The following HIKESHI variants were observed in gnomAD, a reference collection of about 807,000 sequenced individuals.
HIKESHI encodes heat shock protein nuclear import factor hikeshi, also known as protein Hikeshi.
HIKESHI carries 13 observed loss-of-function variants against 25.7 expected under a neutral mutation model. That is an observed-to-expected ratio of 0.51 (90% CI 0.33 to 0.80). The LOEUF (loss-of-function observed/expected upper bound fraction) is 0.80, where lower values mean the gene tolerates loss of function less well. HIKESHI is among the 30% of genes least tolerant of loss of function. HIKESHI has a pLI of 0.02. For synonymous variants in HIKESHI, 76 were observed against 78.7 expected, an observed-to-expected ratio of 0.97 and a Z score of 0.18; for missense variants, 174 against 229.5, an observed-to-expected ratio of 0.76 and a Z score of 1.56.
At chr11:86,333,283 C>T (rs1043469884) in intron 2 of HIKESHI, among the ~76,000 whole-genome samples, 3 of 152,054 alleles carry the variant, frequency 2.0e-5, no homozygotes, top group Admixed American at 1.3e-4. Flanking sequence ...TGTCTGTAAT[C>T]CCAGCACTTT....
At chr11:86,343,583 C>T (rs1947790739) in intron 3 of HIKESHI, 1 of 152,244 alleles carries the variant, frequency 6.6e-6, no homozygotes, top group Non-Finnish European at 1.5e-5. Context: ...TACAGTGAGC[C>T]ATGATTGTGC....
chr11:86,345,723 G>T lies in HIKESHI; in HGVS notation c.*85G>T, dbSNP rs1488767145. ...TCCATCTAAAAGTATGAGGTCAAAG[G>T]ATCACGAAACCTAAGTTTAAAAACT... On this transcript the variant is annotated 3_prime_UTR_variant, in exon 5 of 5. Transcript: ENST00000278483. 1 of 726,256 alleles carries T rather than the reference G, an allele frequency of 1.4e-6. No individual in the cohort carries two copies. The highest frequency in any genetic ancestry group is 2.9e-5 in the Admixed American group (1 of 34,116). 45.0% of individuals were successfully genotyped at this position (726,256 alleles called of 1,614,324 possible).
rs1026515417 is a variant in HIKESHI, at chr11:86,303,528, C to G, written c.30+1050C>G. 9 of 297,404 alleles carry G rather than the reference C, an allele frequency of 3.0e-5. No homozygotes were observed. The Admixed American group carries it at 5.8e-4, about 19-fold the overall frequency. 18.4% of individuals were successfully genotyped at this position (297,404 alleles called of 1,614,324 possible). A position where few individuals can be genotyped will look rare whatever the true frequency, so the allele number is the denominator to read the frequency against. ...ACCTGGAATGATTGTGTGACTCAGACGAGTGAGTGTTATTAATGAATGACA... is the reference window on the plus strand; with the variant it reads ...ACCTGGAATGATTGTGTGACTCAGAGGAGTGAGTGTTATTAATGAATGACA... On this transcript the variant is annotated intron_variant, in intron 1 of 4. Coordinates refer to ENST00000278483, the MANE Select transcript of HIKESHI (RefSeq NM_016401.4).
intron 2 of HIKESHI, among the ~76,000 whole-genome samples, chr11:86,329,717 A>G (rs1449545730): frequency 2.0e-5 from 3 of 152,072 alleles, no homozygotes; most frequent in Non-Finnish European, 4.4e-5. Flanking sequence ...GTTTGTATAA[A>G]TTGATGAATT....
Position 86,306,235 on chromosome 11 carries a change from T to C in HIKESHI, c.31-10T>C, listed in dbSNP as rs1264135511. 1 of 1,595,776 alleles carries C rather than the reference T, an allele frequency of 6.3e-7. No homozygotes were observed. The highest frequency in any genetic ancestry group is 8.6e-7 in the Non-Finnish European group (1 of 1,165,636). On this transcript the variant is annotated splice_polypyrimidine_tract_variant and intron_variant, in intron 1 of 4. Transcript: ENST00000278483. ...AACCATTGAACTGAGACAAGTTTCTTATTTTCTAGGTGCAAACAGCTGCAC... is the reference window on the plus strand; with the variant it reads ...AACCATTGAACTGAGACAAGTTTCTCATTTTCTAGGTGCAAACAGCTGCAC...
intron 2 of HIKESHI, among the ~76,000 whole-genome samples, chr11:86,307,677 A>ATC (rs550573810): frequency 0.019 from 739 of 38,028 alleles, 147 homozygotes; most frequent in African/African-American, 0.064. Context: ...TACATTATAT[A>ATC]AAATATATAT....
intron 2 of HIKESHI, among the ~76,000 whole-genome samples, chr11:86,328,942 A>C (rs1417029877): frequency 6.6e-6 from 1 of 151,502 alleles, no homozygotes; most frequent in Non-Finnish European, 1.5e-5. Context: ...GCACACACAC[A>C]CACACGCTCC....
At chr11:86,343,256 G>T (rs1947781854) in intron 3 of HIKESHI, among the ~76,000 whole-genome samples, 1 of 151,252 alleles carries the variant, frequency 6.6e-6, no homozygotes, top group Non-Finnish European at 1.5e-5. Context: ...TCCTTTTAAA[G>T]ATTTCAGTTA....
chr11:86,344,502 T>G, intron 3 of HIKESHI, 101 bp from the exon 4 acceptor site: 1 of 731,046 alleles, frequency 1.4e-6, no homozygotes, highest in Non-Finnish European at 2.2e-6. Flanking sequence ...GAACTGACAC[T>G]CCCTATAAAC....
chr11:86,329,268 A>G (rs1947362492), intron 2 of HIKESHI, among the ~76,000 whole-genome samples: 1 of 150,376 alleles, frequency 6.6e-6, no homozygotes, highest in Admixed American at 6.6e-5. Flanking sequence ...TTAAATTGGT[A>G]GTCTAGAATT....
intron 3 of HIKESHI, among the ~76,000 whole-genome samples, chr11:86,338,822 T>C (rs1947641503): frequency 6.6e-6 from 1 of 152,206 alleles, no homozygotes; most frequent in African/African-American, 2.4e-5. Flanking sequence ...GTGTAGACAA[T>C]ATTTTAAAAG....
At position 86,302,379 on chromosome 11, in the gene HIKESHI, A is replaced by G. The variant is rs1279251393; in HGVS notation, c.-70A>G. ...TTCTGGAAGGTTCTTAGTCTCGACT[A>G]GGGCAGTAGCCCCAGGACTCCTAGT... On this transcript the variant is annotated 5_prime_UTR_variant, in exon 1 of 5. Transcript: ENST00000278483. 6.5e-7 allele frequency: 1 copy of G among 1,539,728 alleles called. No homozygotes were observed. Among genetic ancestry groups the G allele is most frequent in the Non-Finnish European group, 8.8e-7 (1 of 1,137,644 alleles).
chr11:86,303,842 C>T (rs1946555794), intron 1 of HIKESHI, among the ~76,000 whole-genome samples: 1 of 151,970 alleles, frequency 6.6e-6, no homozygotes, highest in Non-Finnish European at 1.5e-5. Flanking sequence ...AGAGATACAC[C>T]TTTTCTTAAT....
intron 3 of HIKESHI, among the ~76,000 whole-genome samples, chr11:86,343,166 T>A (rs570080277): frequency 2.8e-4 from 43 of 152,338 alleles, no homozygotes; most frequent in African/African-American, 1.0e-3. Flanking sequence ...TTATAATATT[T>A]TCCACAAAAA....
chr11:86,343,413 T>C (rs1197145527), intron 3 of HIKESHI: 2 of 152,042 alleles, frequency 1.3e-5, no homozygotes, highest in African/African-American at 2.4e-5. Flanking sequence ...GGTGAGAGGA[T>C]TGCTTGAGCC....
chr11:86,341,877 T>G (rs1327769467), intron 3 of HIKESHI, among the ~76,000 whole-genome samples: 3 of 152,232 alleles, frequency 2.0e-5, no homozygotes, highest in Admixed American at 6.5e-5. Context: ...ATAAATAGTA[T>G]TATTCTGTAT....
Position 86,302,308 on chromosome 11 carries a change from C to A in HIKESHI, c.-141C>A. The A allele has an allele frequency of 1.0e-6, 1 of 992,524 alleles. No homozygotes were observed. The highest frequency in any genetic ancestry group is 1.5e-6 in the Non-Finnish European group (1 of 653,696). The allele number at this position is 992,524 out of a possible 1,614,324, so 61.5% of individuals were successfully genotyped here. On this transcript the variant is annotated 5_prime_UTR_variant, in exon 1 of 5. It adds an upstream start codon to the 5' untranslated region. Coordinates refer to ENST00000278483, the MANE Select transcript of HIKESHI (RefSeq NM_016401.4). ...CGCGGGGGCAGAGGCATTCTTGCCG[C>A]TGGCCCAGTCACTATGTAGTGGAGG...
chr11:86,318,279 G>A (rs1303851183), intron 2 of HIKESHI, among the ~76,000 whole-genome samples: 3 of 66,298 alleles, frequency 4.5e-5, no homozygotes, highest in African/African-American at 1.7e-4. Context: ...ACTCCATCCT[G>A]GGCGACAGAG....
chr11:86,309,044 C>T (rs1039002598), intron 2 of HIKESHI, among the ~76,000 whole-genome samples: 10 of 152,096 alleles, frequency 6.6e-5, no homozygotes, highest in Non-Finnish European at 1.5e-4. Flanking sequence ...GTGCATGTGT[C>T]TTTATAGCAG....
Sources: gnomAD v4.1 joint callset for allele counts (sites outside exome capture counted in the v4.1 genomes callset) on GRCh38, gnomAD v4.1.1 for gene constraint, MANE v1.5 for transcripts, NCBI Gene and HGNC (gene_info 2026-07-23, HGNC 2026-07-21) for gene names.